The following DIP2C variants were observed in gnomAD, a reference collection of about 807,000 sequenced individuals.
DIP2C encodes the protein DIP2 acetate--CoA ligase C (putative).
Under a neutral mutation model 192.4 loss-of-function variants are expected in DIP2C, and 33 were observed. The observed-to-expected ratio is 0.17, with a 90% CI of 0.13 to 0.23. The LOEUF (loss-of-function observed/expected upper bound fraction) is 0.23, where lower values mean the gene tolerates loss of function less well. Among genes scored for constraint, DIP2C ranks in the 10% least tolerant of loss-of-function variants. The pLI is 1.00. For missense variants in DIP2C, 1,537 were observed against 2,110.1 expected (o/e 0.73, Z 5.32); for synonymous variants, 979 against 864.1 (o/e 1.13, Z -2.33).
chr10:580,545 G>T (rs190024265), intron 1 of DIP2C, among the ~76,000 whole-genome samples: 1 of 152,110 alleles, frequency 6.6e-6, no homozygotes, highest in South Asian at 2.1e-4. Context: ...GTACATGCAT[G>T]CCCATAGCAT....
chr10:680,421 A>G (rs1216863132), intron 1 of DIP2C, among the ~76,000 whole-genome samples: 3 of 152,132 alleles, frequency 2.0e-5, no homozygotes, highest in African/African-American at 4.8e-5. Context: ...ACACCCTTCC[A>G]TGAGGATTAA....
intron 1 of DIP2C, among the ~76,000 whole-genome samples, chr10:634,922 T>C (rs781442707): frequency 6.6e-6 from 1 of 152,168 alleles, no homozygotes; most frequent in Non-Finnish European, 1.5e-5. Flanking sequence ...TTATTTCTAA[T>C]TGGCCCCCAA....
intron 6 of DIP2C, among the ~76,000 whole-genome samples, chr10:417,216 C>T (rs1965701288): frequency 6.6e-6 from 1 of 151,970 alleles, no homozygotes; most frequent in Non-Finnish European, 1.5e-5. Flanking sequence ...CCTCAGGGAC[C>T]CCCGAACTTC....
chr10:671,722 CA>C (rs571982009), intron 1 of DIP2C, among the ~76,000 whole-genome samples: 31 of 122,222 alleles, frequency 2.5e-4, no homozygotes, highest in Admixed American at 6.6e-4. Context: ...GAGGAAACGC[CA>C]CAGACGCACG....
chr10:394,829 C>G (rs1589694808), intron 10 of DIP2C, among the ~76,000 whole-genome samples: 1 of 145,734 alleles, frequency 6.9e-6, no homozygotes, highest in Admixed American at 6.9e-5. Context: ...GGAGGGAAGC[C>G]TGCTCTGTGC....
chr10:598,570 C>T (rs1851860106), intron 1 of DIP2C, among the ~76,000 whole-genome samples: 2 of 151,220 alleles, frequency 1.3e-5, no homozygotes. Flanking sequence ...CTTCCCTCTG[C>T]TCCTCACGCC....
intron 10 of DIP2C, among the ~76,000 whole-genome samples, chr10:397,855 G>C (rs1467833825): frequency 6.6e-6 from 1 of 152,186 alleles, no homozygotes; most frequent in Admixed American, 6.5e-5. Flanking sequence ...ACATTCCAAA[G>C]TTAACCTGAA....
intron 19 of DIP2C, among the ~76,000 whole-genome samples, chr10:365,790 C>T (rs762726940): frequency 4.6e-5 from 7 of 152,204 alleles, no homozygotes; most frequent in Non-Finnish European, 5.9e-5. Flanking sequence ...CCACTGAGAT[C>T]GTTACATACA....
At chr10:289,474 C>T (rs992552687) in intron 32 of DIP2C, among the ~76,000 whole-genome samples, 1 of 152,160 alleles carries the variant, frequency 6.6e-6, no homozygotes, top group Non-Finnish European at 1.5e-5. Context: ...CACTATGTTG[C>T]TTAGGCTGGT....
intron 30 of DIP2C, 107 bp from the exon 31 acceptor site, chr10:327,283 C>G: frequency 1.5e-6 from 2 of 1,331,916 alleles, no homozygotes; most frequent in Non-Finnish European, 2.0e-6. Flanking sequence ...AAACTCAACA[C>G]AGCTATGCAT....
chr10:380,368 G>A (rs1007489074), intron 17 of DIP2C, among the ~76,000 whole-genome samples: 3 of 151,814 alleles, frequency 2.0e-5, no homozygotes, highest in African/African-American at 4.8e-5. Context: ...TTAACGCGCA[G>A]AAGAGGCTGT....
chr10:679,880 G>A (rs936518169), intron 1 of DIP2C, among the ~76,000 whole-genome samples: 11 of 152,178 alleles, frequency 7.2e-5, no homozygotes, highest in African/African-American at 1.7e-4. Context: ...GGAATCGCCT[G>A]GATAAATGGA....
chr10:596,447 G>A (rs535172804), intron 1 of DIP2C, among the ~76,000 whole-genome samples: 13 of 119,372 alleles, frequency 1.1e-4, no homozygotes, highest in African/African-American at 4.2e-4. Flanking sequence ...AGTGAGCCGA[G>A]ATCATGCCAT....
intron 32 of DIP2C, among the ~76,000 whole-genome samples, chr10:295,903 C>T (rs540865366): frequency 9.2e-5 from 14 of 152,258 alleles, no homozygotes; most frequent in South Asian, 2.1e-4. Flanking sequence ...TGTTTTTTGG[C>T]TGCATAAATG....
chr10:289,465 A>G lies in DIP2C; in HGVS notation c.3987-1044T>C, dbSNP rs557168511. Among the ~76,000 whole-genome samples the G allele has an allele frequency of 2.6e-5, 4 of 152,232 alleles. No homozygotes were observed. The East Asian group carries it at 7.7e-4, about 29-fold the overall frequency. On this transcript the variant is annotated intron_variant, in intron 32 of 36. Transcript: ENST00000280886. ...TAAGTTTCTGTAGAGAGGAGATCTC[A>G]CTATGTTGCTTAGGCTGGTCTCAAG...
rs78407345 is a variant in DIP2C at position 494,334 on chromosome 10, C to G, written c.86-7804G>C. On this transcript the variant is annotated intron_variant, in intron 1 of 36. Coordinates refer to ENST00000280886, the MANE Select transcript of DIP2C (RefSeq NM_014974.3). ...CTCCATGGTCACTGTGTGTTCACAC[C>G]AGAGTCAGAGGCGCGCAGTGACCTC... Among the ~76,000 whole-genome samples the G allele has an allele frequency of 4.3e-3, 659 of 152,286 alleles. 7 individuals carry two copies. Among genetic ancestry groups the G allele is most frequent in the African/African-American group, 0.015 (632 of 41,540 alleles).
At chr10:628,291 G>C (rs1854312103) in intron 1 of DIP2C, among the ~76,000 whole-genome samples, 1 of 152,160 alleles carries the variant, frequency 6.6e-6, no homozygotes, top group Admixed American at 6.5e-5. Flanking sequence ...CTTGTGGATG[G>C]GCCTGTGGTT....
At position 369,571 on chromosome 10, in the gene DIP2C, T is replaced by C; in HGVS notation, c.2054A>G (p.Tyr685Cys). The C allele has an allele frequency of 1.2e-6, 2 of 1,611,010 alleles. No individual in the cohort carries two copies. Among genetic ancestry groups the C allele is most frequent in the Non-Finnish European group, 1.7e-6 (2 of 1,178,386 alleles). The change falls in exon 18 of 37, where the codon TAT becomes TGT. Residue 685 changes from tyrosine to cysteine, a missense_variant. This residue lies in a region of DIP2C where 677 missense variants were observed against 989.9 expected (regional missense o/e 0.68). Coordinates refer to ENST00000280886, the MANE Select transcript of DIP2C (RefSeq NM_014974.3). ...RGVLSMHGLT[Y>C]GVIRVDSEEK... ...TTCCGAGTCCACACGAATGACCCCA[T>C]AGGTCAGTCCATGCATGGAGAGGAC... is the stretch of plus-strand genomic sequence containing the variant.
intron 1 of DIP2C, among the ~76,000 whole-genome samples, chr10:657,132 ACTGGACCTGCCACTGGACCTGACG>A: frequency 8.7e-6 from 1 of 115,428 alleles, no homozygotes; most frequent in South Asian, 3.1e-4. Flanking sequence ...TGGACCTGCC[ACTGGACCTGCCACTGGACCTGACG>A]CTGGACCTGA....
Sources: allele counts gnomAD v4.1 joint callset (sites outside exome capture counted in the v4.1 genomes callset), GRCh38; gene constraint gnomAD v4.1.1; regional missense constraint gnomAD v4.1.1; transcripts MANE v1.5; gene names NCBI Gene and HGNC (gene_info 2026-07-23, HGNC 2026-07-21).